Variants in OR7C1 observed in about 807,000 individuals in gnomAD.
OR7C1 encodes olfactory receptor family 7 subfamily C member 1.
For missense variants in OR7C1, 324 were observed against 383.3 expected (o/e 0.85, Z 1.29); for synonymous variants, 152 against 160.7 (o/e 0.95, Z 0.41).
intron 1 of OR7C1, among the ~76,000 whole-genome samples, chr19:14,816,651 C>T (rs772865937): frequency 6.6e-6 from 1 of 152,158 alleles, no homozygotes; most frequent in Non-Finnish European, 1.5e-5. Flanking sequence ...AGATTGTCTT[C>T]CTTTCTGCTC....
intron 1 of OR7C1, among the ~76,000 whole-genome samples, chr19:14,818,383 C>T (rs1476933918): frequency 6.6e-6 from 1 of 152,102 alleles, no homozygotes; most frequent in Admixed American, 6.5e-5. Flanking sequence ...CGTGAGCCAC[C>T]GCGCCCGGCT....
exon 5 of OR7C1, chr19:14,799,849 G>A (rs1182422181): frequency 6.2e-7 from 1 of 1,614,140 alleles, no homozygotes; most frequent in Non-Finnish European, 8.5e-7. Context: ...GACTGAGACA[G>A]CCTGCATATG....
chr19:14,834,192 G>T (rs150818935), intron 1 of OR7C1, among the ~76,000 whole-genome samples: 4 of 152,150 alleles, frequency 2.6e-5, no homozygotes, highest in African/African-American at 7.2e-5. Context: ...AGCCAAGGAG[G>T]TTGAGGCAGC....
intron 2 of OR7C1, among the ~76,000 whole-genome samples, chr19:14,807,448 T>C (rs1485915826): frequency 2.0e-5 from 3 of 151,944 alleles, no homozygotes; most frequent in Non-Finnish European, 2.9e-5. Flanking sequence ...AATCCTGGAA[T>C]CCTCTTTAGA....
chr19:14,799,366 C>T, exon 5 of OR7C1: 1 of 1,614,056 alleles, frequency 6.2e-7, no homozygotes, highest in African/African-American at 1.3e-5. Context: ...TGAGATAGAC[C>T]CCAAAGCCCG....
chr19:14,809,726 C>G (rs952430223), intron 2 of OR7C1, 80 bp downstream of exon 2: 1 of 152,184 alleles, frequency 6.6e-6, no homozygotes, highest in Admixed American at 6.5e-5. Flanking sequence ...TTCACCATCT[C>G]ATCATTTCTG....
chr19:14,799,422 A>G, exon 5 of OR7C1: 1 of 1,614,236 alleles, frequency 6.2e-7, no homozygotes, highest in Non-Finnish European at 8.5e-7. Context: ...CCACAGGTGG[A>G]AAACGCTTTG....
chr19:14,805,653 G>A (rs75147821), intron 2 of OR7C1, among the ~76,000 whole-genome samples: 1,729 of 151,782 alleles, frequency 0.011, 55 homozygotes, highest in African/African-American at 0.039. Context: ...GACCTCAAGC[G>A]ATCCACTTTT....
exon 5 of OR7C1, chr19:14,798,933 C>T: frequency 2.6e-6 from 1 of 390,230 alleles, no homozygotes; most frequent in Non-Finnish European, 4.4e-6. Flanking sequence ...ATGTCTGCAG[C>T]TCGATTTTTC....
intron 1 of OR7C1, among the ~76,000 whole-genome samples, chr19:14,811,394 C>T (rs758035104): frequency 6.6e-6 from 1 of 151,828 alleles, no homozygotes; most frequent in South Asian, 2.1e-4. Context: ...CATTTGGTTT[C>T]CTCTGCACCT....
chr19:14,807,248 T>G (rs971355012), intron 2 of OR7C1, among the ~76,000 whole-genome samples: 1 of 151,994 alleles, frequency 6.6e-6, no homozygotes, highest in African/African-American at 2.4e-5. Context: ...GTTTTAATGT[T>G]ATGGATCCTG....
intron 2 of OR7C1, among the ~76,000 whole-genome samples, chr19:14,808,873 C>T (rs1051336839): frequency 6.6e-6 from 1 of 152,092 alleles, no homozygotes. Flanking sequence ...CCAATTTGGG[C>T]TACTATGTAA....
chr19:14,805,752 T>A (rs536322484), intron 2 of OR7C1, among the ~76,000 whole-genome samples: 1 of 151,924 alleles, frequency 6.6e-6, no homozygotes, highest in Admixed American at 6.6e-5. Flanking sequence ...ATAATCTGAA[T>A]GACCAGCTTC....
chr19:14,814,111 C>T (rs2044705315), intron 1 of OR7C1, among the ~76,000 whole-genome samples: 2 of 151,736 alleles, frequency 1.3e-5, no homozygotes, highest in Admixed American at 6.6e-5. Context: ...TGACATTGGT[C>T]TGGGCAATAA....
At chr19:14,813,547 TC>T (rs1015580480) in intron 1 of OR7C1, among the ~76,000 whole-genome samples, 17 of 151,900 alleles carry the variant, frequency 1.1e-4, no homozygotes, top group Non-Finnish European at 2.5e-4. Context: ...AGAGTGAGAC[TC>T]CGTATCAAAA....
At chr19:14,821,570 A>G (rs1365785335) in intron 1 of OR7C1, 1 of 152,256 alleles carries the variant, frequency 6.6e-6, no homozygotes, top group Non-Finnish European at 1.5e-5. Context: ...TGAAAGTAAG[A>G]AATACCTTTT....
At chr19:14,802,858 G>A (rs374990403) in intron 2 of OR7C1, among the ~76,000 whole-genome samples, 51 of 152,156 alleles carry the variant, frequency 3.4e-4, no homozygotes, top group Admixed American at 2.7e-3. Flanking sequence ...AATTGAGTAC[G>A]CAGACACCCA....
At chr19:14,814,426 A>G (rs1349144081) in intron 1 of OR7C1, among the ~76,000 whole-genome samples, 3 of 147,168 alleles carry the variant, frequency 2.0e-5, no homozygotes, top group Non-Finnish European at 4.4e-5. Context: ...TCCTTTATTT[A>G]TGTATTTTTT....
chr19:14,805,107 A>G (rs948559520), intron 2 of OR7C1, among the ~76,000 whole-genome samples: 4 of 151,890 alleles, frequency 2.6e-5, no homozygotes, highest in African/African-American at 9.7e-5. Context: ...TGCTATGTAT[A>G]TGGCCTCAAT....
Sources: allele counts gnomAD v4.1 joint callset (sites outside exome capture counted in the v4.1 genomes callset), GRCh38; gene constraint gnomAD v4.1.1; transcripts MANE v1.5; gene names NCBI Gene and HGNC (gene_info 2026-07-23, HGNC 2026-07-21).